Variants in HRH4 observed in about 807,000 individuals in gnomAD.
The protein encoded by HRH4 is histamine H4 receptor.
A neutral mutation model predicts 10.4 loss-of-function variants in HRH4; 12 were observed. The ratio of observed to expected loss-of-function variants is 1.15; its 90% confidence interval spans 0.74 to 1.87. The LOEUF (loss-of-function observed/expected upper bound fraction) is 1.87. Among genes scored for constraint, HRH4 ranks in the 40% most tolerant of loss-of-function variants. The pLI is 0.00. For missense variants in HRH4, 415 were observed against 453.3 expected (o/e 0.92, Z 0.77); for synonymous variants, 154 against 166.6 (o/e 0.92, Z 0.58).
intron 1 of HRH4, among the ~76,000 whole-genome samples, chr18:24,466,546 A>G (rs1018758096): frequency 3.9e-5 from 6 of 152,166 alleles, no homozygotes; most frequent in African/African-American, 1.2e-4. Context: ...TTTAAACTAC[A>G]TATAAGAACT....
chr18:24,476,949 T>A lies in HRH4; in HGVS notation c.560T>A (p.Val187Asp). The A allele has an allele frequency of 7.4e-6, 12 of 1,614,198 alleles. No homozygotes were observed. The highest frequency in any genetic ancestry group is 1.0e-5 in the Non-Finnish European group (12 of 1,180,052). ...ITSFLEFVIP[V>D]ILVAYFNMNI... Reference sequence around the variant, plus strand: ...TCATTCTTGGAATTCGTGATCCCAGTCATCTTAGTCGCTTATTTCAACATG... The same window carrying A: ...TCATTCTTGGAATTCGTGATCCCAGACATCTTAGTCGCTTATTTCAACATG... The change falls in exon 3 of 3, where the codon GTC becomes GAC. Residue 187 changes from valine to aspartate, a missense_variant. Coordinates refer to ENST00000256906, the MANE Select transcript of HRH4 (RefSeq NM_021624.4).
At chr18:24,463,056 G>T (rs956519651) in intron 1 of HRH4, among the ~76,000 whole-genome samples, 2 of 152,202 alleles carry the variant, frequency 1.3e-5, no homozygotes, top group African/African-American at 4.8e-5. Flanking sequence ...GGAAGGGTGA[G>T]ACAGCTGAGA....
At chr18:24,466,216 G>T (rs576240117) in intron 1 of HRH4, among the ~76,000 whole-genome samples, 1 of 151,390 alleles carries the variant, frequency 6.6e-6, no homozygotes, top group Non-Finnish European at 1.5e-5. Flanking sequence ...TGGCTCAAAT[G>T]ATCCTCCTGC....
chr18:24,462,394 T>C (rs1204410621), intron 1 of HRH4, among the ~76,000 whole-genome samples: 1 of 151,776 alleles, frequency 6.6e-6, no homozygotes, highest in Admixed American at 6.6e-5. Flanking sequence ...GGAAGAGCCG[T>C]AGGAAATGGG....
In HRH4 at chr18:24,476,031, T is replaced by TA. The variant is rs899481283; in HGVS notation, c.358-707dup. On this transcript the variant is annotated intron_variant, in intron 2 of 2. Coordinates refer to ENST00000256906, the MANE Select transcript of HRH4 (RefSeq NM_021624.4). ...CAAACAAATAAAATAAAATAAAAAC[T>TA]AAAAAAAAAGTCTTTTTGTCTGTGG... is the stretch of plus-strand genomic sequence containing the variant. 5.3e-5 allele frequency among the ~76,000 whole-genome samples: 8 copies of TA among 150,948 alleles called. No homozygotes were observed. In the South Asian group the frequency reaches 8.4e-4, roughly 16 times the overall value.
chr18:24,476,514 A>G (rs1269976370), intron 2 of HRH4, among the ~76,000 whole-genome samples: 1 of 152,200 alleles, frequency 6.6e-6, no homozygotes, highest in Admixed American at 6.5e-5. Flanking sequence ...TATAGTATTC[A>G]GGGATTTAAC....
intron 2 of HRH4, among the ~76,000 whole-genome samples, chr18:24,474,534 C>T (rs1054928643): frequency 6.6e-6 from 1 of 151,996 alleles, no homozygotes; most frequent in Admixed American, 6.6e-5. Flanking sequence ...GAAACCATTG[C>T]AGAACGAGAC....
At chr18:24,464,494 C>T (rs1909724048) in intron 1 of HRH4, among the ~76,000 whole-genome samples, 1 of 152,150 alleles carries the variant, frequency 6.6e-6, no homozygotes, top group Non-Finnish European at 1.5e-5. Flanking sequence ...GGGGAGGGCA[C>T]ATACACATTC....
chr18:24,461,972 A>G (rs1909652689), intron 1 of HRH4, among the ~76,000 whole-genome samples: 1 of 152,202 alleles, frequency 6.6e-6, no homozygotes, highest in African/African-American at 2.4e-5. Flanking sequence ...TGACTATAGC[A>G]GTATAGAGTA....
intron 2 of HRH4, 62 bp downstream of exon 2, chr18:24,469,013 C>G: frequency 7.5e-7 from 1 of 1,332,370 alleles, no homozygotes; most frequent in Non-Finnish European, 1.0e-6. Flanking sequence ...GATGGGTCCT[C>G]AAGCAAAAAT....
intron 1 of HRH4, among the ~76,000 whole-genome samples, chr18:24,462,589 G>A (rs1001577105): frequency 2.0e-5 from 3 of 152,150 alleles, no homozygotes; most frequent in Non-Finnish European, 4.4e-5. Flanking sequence ...GACTAAGAAC[G>A]GTACGGTGCT....
intron 1 of HRH4, among the ~76,000 whole-genome samples, 158 bp downstream of exon 1, chr18:24,461,079 C>T (rs1406147531): frequency 6.6e-6 from 1 of 152,042 alleles, no homozygotes; most frequent in Non-Finnish European, 1.5e-5. Flanking sequence ...CTATATGGCA[C>T]TGTAAGGGAA....
rs1306468146 is a variant in HRH4, at chr18:24,479,577, T to C, written c.*2015T>C. On this transcript the variant is annotated 3_prime_UTR_variant, in exon 3 of 3. Coordinates refer to ENST00000256906, the MANE Select transcript of HRH4 (RefSeq NM_021624.4). ...AATCTTCTTACGTCAGCCTCCAGAG[T>C]AGCTGGGACCGCAGGCACTTGCCAC... 3.3e-5 allele frequency: 5 copies of C among 152,150 alleles called. No individual in the cohort carries two copies. The highest frequency in any genetic ancestry group is 3.3e-4 in the Admixed American group (5 of 15,262). The allele number at this position is 152,150 out of a possible 1,614,324, so 9.4% of individuals were successfully genotyped here.
rs748298940 is a variant in HRH4, at chr18:24,477,463, T to C, written c.1074T>C (p.Tyr358=). 3.1e-6 allele frequency: 5 copies of C among 1,613,942 alleles called. No homozygotes were observed. In the African/African-American group the frequency reaches 5.3e-5, roughly 17 times the overall value. The part of the protein sequence containing the change: ...WFNSFVNPLL[Y]PLCHKRFQKA... ...ATTCCTTTGTCAATCCTCTTTTGTA[T>C]CCATTGTGTCACAAGCGCTTTCAAA... Residue 358 remains tyrosine, a synonymous_variant, in exon 3 of 3, where the codon TAT becomes TAC. Transcript: ENST00000256906.
chr18:24,472,565 A>C (rs928447764), intron 2 of HRH4, among the ~76,000 whole-genome samples: 1 of 152,186 alleles, frequency 6.6e-6, no homozygotes, highest in Non-Finnish European at 1.5e-5. Context: ...GCCGTGTGAA[A>C]ACAGAAGGAA....
chr18:24,460,805 C>T lies in HRH4; in HGVS notation c.77C>T (p.Ala26Val), dbSNP rs1909613517. Residue 26 changes from alanine to valine, a missense_variant, in exon 1 of 3, where the codon GCT (alanine) becomes GTT (valine). Physicochemically the swap from Ala to Val is moderately conservative, Grantham distance 64. Transcript: ENST00000256906. ...VTLAFFMSLV[A>V]FAIMLGNALV... ...TTAGCATTTTTTATGTCCTTAGTAG[C>T]TTTTGCTATAATGCTAGGAAATGCT... 1.3e-6 allele frequency: 2 copies of T among 1,585,022 alleles called. No homozygotes were observed. The highest frequency in any genetic ancestry group is 1.3e-5 in the African/African-American group (1 of 74,726).
rs763083138 is a variant in HRH4 at position 24,477,200 on chromosome 18, A to G, written c.811A>G (p.Thr271Ala). The G allele has an allele frequency of 1.9e-6, 3 of 1,613,678 alleles. No individual in the cohort carries two copies. The highest frequency in any genetic ancestry group is 2.7e-5 in the African/African-American group (2 of 74,928). The change falls in exon 3 of 3, where the codon ACA becomes GCA. Residue 271 changes from threonine (T) to alanine (A), a missense_variant. Transcript: ENST00000256906. ...FSSRTKMNSN[T>A]IASKMGSFSQ... ...CTCAAGAACCAAGATGAATAGCAAT[A>G]CAATTGCTTCCAAAATGGGTTCCTT...
Position 24,477,216 on chromosome 18 carries a change from T to A in HRH4, c.827T>A (p.Met276Lys). The change falls in exon 3 of 3, where the codon ATG (methionine) becomes AAG (lysine). Residue 276 changes from methionine (M) to lysine (K), a missense_variant. By Grantham distance (95) the Met-to-Lys change is moderately conservative. Transcript: ENST00000256906. ...AATAGCAATACAATTGCTTCCAAAA[T>A]GGGTTCCTTCTCCCAATCAGATTCT... ...KMNSNTIASK[M>K]GSFSQSDSVA... 1.9e-6 allele frequency: 3 copies of A among 1,614,170 alleles called. No individual in the cohort carries two copies. Among genetic ancestry groups the A allele is most frequent in the Middle Eastern group, 3.3e-4 (2 of 6,062 alleles).
At position 24,477,286 on chromosome 18, in the gene HRH4, G is replaced by C; in HGVS notation, c.897G>C (p.Arg299Ser). The C allele has an allele frequency of 1.2e-6, 2 of 1,614,190 alleles. No homozygotes were observed. Among genetic ancestry groups the C allele is most frequent in the Non-Finnish European group, 1.7e-6 (2 of 1,180,036 alleles). ...AACATGTTGAACTGCTTAGAGCCAG[G>C]AGATTAGCCAAGTCACTGGCCATTC... ...QREHVELLRA[R>S]RLAKSLAILL... The change falls in exon 3 of 3, where the codon AGG (arginine) becomes AGC (serine). Residue 299 changes from arginine to serine, a missense_variant. Physicochemically the swap from Arg to Ser is moderately radical, Grantham distance 110. Transcript: ENST00000256906.
Sources: allele counts gnomAD v4.1 joint callset (sites outside exome capture counted in the v4.1 genomes callset), GRCh38; gene constraint gnomAD v4.1.1; transcripts MANE v1.5; gene names NCBI Gene and HGNC (gene_info 2026-07-23, HGNC 2026-07-21).